Variants in NRG1 observed in about 807,000 individuals in gnomAD.
The protein encoded by NRG1 is neuregulin 1, also known as pro-neuregulin-1, membrane-bound isoform.
A neutral mutation model predicts 63.8 loss-of-function variants in NRG1; 18 were observed. The ratio of observed to expected loss-of-function variants is 0.28; its 90% confidence interval spans 0.19 to 0.42. NRG1 has a LOEUF of 0.42. NRG1 is among the 10% of genes least tolerant of loss of function. The pLI is 1.00. For missense variants in NRG1, 762 were observed against 814.7 expected (o/e 0.94, Z 0.79); for synonymous variants, 302 against 301.3 (o/e 1.00, Z -0.02).
chr8:31,919,048 A>G (rs1833666455), intron 1 of NRG1, among the ~76,000 whole-genome samples: 1 of 152,088 alleles, frequency 6.6e-6, no homozygotes, highest in South Asian at 2.1e-4. Flanking sequence ...CAGTGGTGAT[A>G]TCCCCTTTAT....
chr8:32,232,101 G>T (rs895125019), intron 1 of NRG1, among the ~76,000 whole-genome samples: 3 of 151,272 alleles, frequency 2.0e-5, no homozygotes, highest in Admixed American at 6.6e-5. Flanking sequence ...ATGAGGTTTT[G>T]CCATGTTGCC....
At chr8:31,647,972 G>A (rs567678360) in intron 1 of NRG1, among the ~76,000 whole-genome samples, 2 of 152,074 alleles carry the variant, frequency 1.3e-5, no homozygotes, top group East Asian at 3.9e-4. Context: ...TTAAGTATTT[G>A]CATTGTTGTG....
chr8:32,111,150 T>A (rs918619976), intron 1 of NRG1, among the ~76,000 whole-genome samples: 5 of 152,162 alleles, frequency 3.3e-5, no homozygotes. Context: ...AGAGTCTCAC[T>A]CTGTCACCCA....
At chr8:31,762,869 A>G (rs1817693094) in intron 1 of NRG1, among the ~76,000 whole-genome samples, 1 of 152,200 alleles carries the variant, frequency 6.6e-6, no homozygotes, top group Non-Finnish European at 1.5e-5. Flanking sequence ...TTGACATGAA[A>G]ACCTGACAAG....
At chr8:32,440,342 T>C (rs1409067178) in intron 1 of NRG1, among the ~76,000 whole-genome samples, 1 of 152,134 alleles carries the variant, frequency 6.6e-6, no homozygotes, top group East Asian at 1.9e-4. Flanking sequence ...TTGGTAGATA[T>C]GGAGTGTCAC....
intron 1 of NRG1, among the ~76,000 whole-genome samples, chr8:32,398,041 G>A (rs559498323): frequency 2.4e-4 from 36 of 152,100 alleles, no homozygotes; most frequent in Non-Finnish European, 4.6e-4. Context: ...AGTCTGCTCT[G>A]CTCTAATATA....
intron 1 of NRG1, among the ~76,000 whole-genome samples, chr8:31,742,428 C>A (rs1421715050): frequency 7.2e-6 from 1 of 138,964 alleles, no homozygotes; most frequent in Non-Finnish European, 1.5e-5. Context: ...GATATGGAAC[C>A]AGCAACGACA....
At chr8:32,371,278 T>C (rs1316129231) in intron 1 of NRG1, among the ~76,000 whole-genome samples, 3 of 152,194 alleles carry the variant, frequency 2.0e-5, no homozygotes, top group Admixed American at 2.0e-4. Context: ...TGCACTGGAA[T>C]TGTTCAAGCC....
upstream of NRG1, among the ~76,000 whole-genome samples, chr8:32,547,416 A>G (rs1289110285): frequency 6.6e-5 from 10 of 152,144 alleles, no homozygotes; most frequent in Admixed American, 6.5e-4. Context: ...GAACTGAGTG[A>G]CTTTCAGCGG....
chr8:32,068,824 A>G (rs1825297527), intron 1 of NRG1, among the ~76,000 whole-genome samples: 1 of 152,210 alleles, frequency 6.6e-6, no homozygotes, highest in African/African-American at 2.4e-5. Context: ...TTAGCTACGT[A>G]ACTAAGTCTT....
chr8:31,968,000 G>A (rs1412905978), intron 1 of NRG1, among the ~76,000 whole-genome samples: 2 of 152,094 alleles, frequency 1.3e-5, no homozygotes, highest in African/African-American at 2.4e-5. Flanking sequence ...CAAGTGCTGT[G>A]GAAAAGACTA....
intron 6 of NRG1, among the ~76,000 whole-genome samples, chr8:32,731,233 AAC>A (rs1346958249): frequency 1.3e-5 from 2 of 152,168 alleles, no homozygotes; most frequent in African/African-American, 4.8e-5. Context: ...TTCTTCACTC[AAC>A]ACAGTTTCTC....
intron 1 of NRG1, among the ~76,000 whole-genome samples, chr8:32,144,680 T>A (rs1331524499): frequency 6.6e-6 from 1 of 152,162 alleles, no homozygotes; most frequent in African/African-American, 2.4e-5. Flanking sequence ...TTGGTCTCGG[T>A]TTTCCTTTAT....
At chr8:32,014,252 T>C (rs907383963) in intron 1 of NRG1, among the ~76,000 whole-genome samples, 15 of 152,158 alleles carry the variant, frequency 9.9e-5, no homozygotes, top group African/African-American at 3.6e-4. Flanking sequence ...GTAGTTCTCC[T>C]TGAAGAGGTT....
chr8:31,679,241 A>G (rs1808066848), intron 1 of NRG1, among the ~76,000 whole-genome samples: 2 of 151,984 alleles, frequency 1.3e-5, no homozygotes, highest in African/African-American at 4.8e-5. Flanking sequence ...GTATTTGTAA[A>G]CATCTAGACA....
intron 1 of NRG1, among the ~76,000 whole-genome samples, chr8:32,405,129 T>C (rs2129484926): frequency 6.6e-6 from 1 of 152,316 alleles, no homozygotes; most frequent in Non-Finnish European, 1.5e-5. Context: ...CTGTCCCTGT[T>C]GCCTCTGGTC....
intron 1 of NRG1, among the ~76,000 whole-genome samples, chr8:32,419,322 G>A (rs1816369107): frequency 6.6e-6 from 1 of 152,194 alleles, no homozygotes; most frequent in African/African-American, 2.4e-5. Flanking sequence ...TGCAGTAGGC[G>A]TTGGAACAGA....
In NRG1 at chr8:32,196,264, C is replaced by A. The variant is rs1348596593; in HGVS notation, c.38-399564C>A. Reference sequence around the variant, plus strand: ...TCTAGACAGTCATGATAACAGAGATCCCTGGTCTGGGGAGGTCCCACTCTC... The same window carrying A: ...TCTAGACAGTCATGATAACAGAGATACCTGGTCTGGGGAGGTCCCACTCTC... On this transcript the variant is annotated intron_variant, in intron 1 of 10. Transcript: ENST00000519301. 5.3e-5 allele frequency among the ~76,000 whole-genome samples: 8 copies of A among 152,048 alleles called. No individual in the cohort carries two copies. The East Asian group carries it at 1.2e-3, about 22-fold the overall frequency.
At chr8:32,196,754 A>G (rs1257137832) in intron 1 of NRG1, among the ~76,000 whole-genome samples, 1 of 152,026 alleles carries the variant, frequency 6.6e-6, no homozygotes, top group Admixed American at 6.6e-5. Context: ...GTTAAGTAGT[A>G]TGTCTCAATC....
Sources: allele counts gnomAD v4.1 joint callset (sites outside exome capture counted in the v4.1 genomes callset), GRCh38; gene constraint gnomAD v4.1.1; transcripts MANE v1.5; gene names NCBI Gene and HGNC (gene_info 2026-07-23, HGNC 2026-07-21).